Variants in ERBB4 observed in about 807,000 individuals in gnomAD.
ERBB4 encodes the protein erb-b2 receptor tyrosine kinase 4, also known as receptor tyrosine-protein kinase erbB-4.
A neutral mutation model predicts 158.0 loss-of-function variants in ERBB4; 42 were observed. That is an observed-to-expected ratio of 0.27 (90% CI 0.21 to 0.34). The LOEUF is 0.34. Ranked by LOEUF, ERBB4 falls within the 10% of genes least tolerant of loss-of-function variation. The probability of loss-of-function intolerance (pLI) is 1.00; values close to 1 mark genes in which losing one functional copy is unlikely to be tolerated. For synonymous variants in ERBB4, 583 were observed against 558.7 expected (o/e 1.04, Z -0.61); for missense variants, 1,333 against 1,624.1 (o/e 0.82, Z 3.08).
At chr2:212,400,554 T>A (rs2091173803) in intron 1 of ERBB4, among the ~76,000 whole-genome samples, 1 of 152,222 alleles carries the variant, frequency 6.6e-6, no homozygotes, top group Non-Finnish European at 1.5e-5. Context: ...AGTTCCCTTT[T>A]AGTCAGCAAA....
intron 1 of ERBB4, among the ~76,000 whole-genome samples, chr2:212,325,514 C>T (rs1261712326): frequency 2.0e-5 from 3 of 150,612 alleles, no homozygotes; most frequent in Non-Finnish European, 4.5e-5. Context: ...AAATCTGAAA[C>T]TCATCAGTTC....
chr2:212,489,771 C>T (rs1462071794), intron 1 of ERBB4, among the ~76,000 whole-genome samples: 1 of 150,718 alleles, frequency 6.6e-6, no homozygotes, highest in Admixed American at 6.6e-5. Context: ...AGAGTTCTCA[C>T]ATGCTGTATT....
intron 1 of ERBB4, among the ~76,000 whole-genome samples, chr2:212,527,507 A>G (rs1044121188): frequency 1.3e-5 from 2 of 152,066 alleles, no homozygotes; most frequent in Non-Finnish European, 2.9e-5. Context: ...GAAGAGCAAT[A>G]TTCCTAAAAT....
At chr2:211,986,733 T>G (rs897734884) in intron 2 of ERBB4, among the ~76,000 whole-genome samples, 4 of 152,176 alleles carry the variant, frequency 2.6e-5, no homozygotes, top group African/African-American at 7.2e-5. Context: ...TAGGTAACAC[T>G]TGCAAGCATC....
chr2:211,702,787 T>C (rs1012423205), intron 11 of ERBB4, among the ~76,000 whole-genome samples: 11 of 152,108 alleles, frequency 7.2e-5, no homozygotes, highest in Admixed American at 5.9e-4. Flanking sequence ...CTCTAAAAGT[T>C]AAATAACAAC....
chr2:211,435,493 G>C (rs1246794540), intron 20 of ERBB4, among the ~76,000 whole-genome samples: 2 of 152,188 alleles, frequency 1.3e-5, no homozygotes, highest in African/African-American at 4.8e-5. Flanking sequence ...CCCAACCCCT[G>C]GGCCATGGAG....
chr2:211,730,710 T>C (rs62182991), intron 5 of ERBB4, among the ~76,000 whole-genome samples: 31,247 of 151,982 alleles, frequency 0.21, 4,088 homozygotes, highest in Non-Finnish European at 0.3. Context: ...ATACCCCATA[T>C]TGAGTAGCAG....
chr2:212,512,345 AAT>A (rs199682057), intron 1 of ERBB4, among the ~76,000 whole-genome samples: 4 of 149,402 alleles, frequency 2.7e-5, no homozygotes, highest in Admixed American at 1.3e-4. Context: ...TATACACACA[AAT>A]ATATATATAT....
At chr2:211,433,669 T>C (rs560105121) in intron 20 of ERBB4, among the ~76,000 whole-genome samples, 1 of 152,328 alleles carries the variant, frequency 6.6e-6, no homozygotes, top group South Asian at 2.1e-4. Flanking sequence ...GAGAATGGAT[T>C]GGACATCAAT....
intron 1 of ERBB4, among the ~76,000 whole-genome samples, chr2:212,320,097 C>T (rs12694271): frequency 0.9 from 133,968 of 149,638 alleles, 60,660 homozygotes; most frequent in Middle Eastern, 0.97. Context: ...TGGCATTGTA[C>T]TGAGGTGAGG....
chr2:212,492,706 C>G (rs1032549190), intron 1 of ERBB4, among the ~76,000 whole-genome samples: 1 of 151,408 alleles, frequency 6.6e-6, no homozygotes, highest in Non-Finnish European at 1.5e-5. Flanking sequence ...AAACCCTATG[C>G]TTCAGTTTTA....
At chr2:212,106,019 T>G (rs990617855) in intron 2 of ERBB4, among the ~76,000 whole-genome samples, 1 of 152,208 alleles carries the variant, frequency 6.6e-6, no homozygotes, top group Admixed American at 6.5e-5. Context: ...CTTTTTCTTT[T>G]TAAATTACAC....
At chr2:212,332,180 C>T (rs1025682298) in intron 1 of ERBB4, among the ~76,000 whole-genome samples, 7 of 151,926 alleles carry the variant, frequency 4.6e-5, no homozygotes, top group Non-Finnish European at 5.9e-5. Context: ...GCAAGTCTTT[C>T]GCATACTGTT....
At chr2:211,542,435 G>A (rs2066834639) in intron 20 of ERBB4, among the ~76,000 whole-genome samples, 2 of 151,930 alleles carry the variant, frequency 1.3e-5, no homozygotes, top group African/African-American at 4.8e-5. Flanking sequence ...TTCCCCGTTA[G>A]TTAGTCTGAC....
chr2:212,122,728 A>G (rs2094631857), intron 2 of ERBB4, among the ~76,000 whole-genome samples: 1 of 151,934 alleles, frequency 6.6e-6, no homozygotes, highest in Non-Finnish European at 1.5e-5. Flanking sequence ...ACTAAAGTCT[A>G]TTTTTTATCA....
intron 20 of ERBB4, among the ~76,000 whole-genome samples, chr2:211,554,110 G>T (rs548552753): frequency 1.3e-5 from 2 of 152,270 alleles, no homozygotes; most frequent in South Asian, 4.1e-4. Flanking sequence ...TCTAATTCCG[G>T]AGTGCCGTTG....
At chr2:212,490,111 C>T (rs1690190873) in intron 1 of ERBB4, among the ~76,000 whole-genome samples, 1 of 151,848 alleles carries the variant, frequency 6.6e-6, no homozygotes, top group Non-Finnish European at 1.5e-5. Context: ...AAATATCTTG[C>T]AAGAGCACCT....
chr2:211,961,592 GACA>G (rs1306511213), intron 2 of ERBB4, among the ~76,000 whole-genome samples: 4 of 152,076 alleles, frequency 2.6e-5, no homozygotes, highest in African/African-American at 9.7e-5. Flanking sequence ...TGACATTCTT[GACA>G]ACAACAAGAT....
chr2:212,144,828 C>T (rs2080610847), intron 1 of ERBB4, among the ~76,000 whole-genome samples: 1 of 152,098 alleles, frequency 6.6e-6, no homozygotes, highest in South Asian at 2.1e-4. Context: ...CTTACTGTAA[C>T]CCAGCTGAGT....
Sources: allele counts gnomAD v4.1 joint callset (sites outside exome capture counted in the v4.1 genomes callset), GRCh38; gene constraint gnomAD v4.1.1; transcripts MANE v1.5; gene names NCBI Gene and HGNC (gene_info 2026-07-23, HGNC 2026-07-21).